Variants in DSE observed in about 807,000 individuals in gnomAD.
DSE encodes the protein dermatan sulfate epimerase, also known as dermatan-sulfate epimerase.
Under a neutral mutation model 84.4 loss-of-function variants are expected in DSE, and 36 were observed. The ratio of observed to expected loss-of-function variants is 0.43; its 90% CI spans 0.33 to 0.56. DSE has a LOEUF of 0.56. DSE is among the 20% of genes least tolerant of loss of function. DSE has a pLI of 0.06. For missense variants in DSE, 862 were observed against 1,169.6 expected, an observed-to-expected ratio of 0.74 and a Z score of 3.84; for synonymous variants, 410 against 430.1, an observed-to-expected ratio of 0.95 and a Z score of 0.58.
chr6:116,407,321 GGAGA>G (rs1781997336), intron 2 of DSE, among the ~76,000 whole-genome samples: 1 of 152,164 alleles, frequency 6.6e-6, no homozygotes, highest in Non-Finnish European at 1.5e-5. Context: ...AATATGGGGA[GGAGA>G]GAGTGGTTTG....
Position 116,299,552 on chromosome 6 carries a change from A to ATG in DSE, c.-54+40585_-54+40586insTG, listed in dbSNP as rs1774902505. Among the ~76,000 whole-genome samples the ATG allele has an allele frequency of 7.7e-5, 2 of 26,024 alleles. 1 individual carries two copies. The highest frequency in any genetic ancestry group is 4.5e-4 in the African/African-American group (2 of 4,450). The allele number at this position is 26,024 out of a possible 152,430, so 17.1% of individuals were successfully genotyped here. On this transcript the variant is annotated intron_variant, in intron 2 of 3. Coordinates refer to the DSE transcript ENST00000430252. ...TATATATATATATATATATATATAT[A>ATG]CACATACACACACACACACACATAC...
intron 3 of DSE, among the ~76,000 whole-genome samples, chr6:116,429,105 A>G (rs1364226282): frequency 6.6e-6 from 1 of 152,216 alleles, no homozygotes; most frequent in Non-Finnish European, 1.5e-5. Flanking sequence ...TGGAAGACAC[A>G]CAGGAAAAGG....
chr6:116,376,066 C>G (rs762215234), intron 1 of DSE, among the ~76,000 whole-genome samples: 1 of 152,150 alleles, frequency 6.6e-6, no homozygotes, highest in Non-Finnish European at 1.5e-5. Context: ...TTCCTGTTGT[C>G]TACTTTATTA....
At chr6:116,341,596 G>A (rs1221267284) in intron 2 of DSE, among the ~76,000 whole-genome samples, 1 of 152,160 alleles carries the variant, frequency 6.6e-6, no homozygotes, top group Non-Finnish European at 1.5e-5. Flanking sequence ...GTATTGCCTA[G>A]GTTTTCTTCT....
At chr6:116,303,711 C>T (rs1265378382) in intron 2 of DSE, among the ~76,000 whole-genome samples, 1 of 152,028 alleles carries the variant, frequency 6.6e-6, no homozygotes, top group African/African-American at 2.4e-5. Flanking sequence ...AAAGCAGTTA[C>T]AATTCAGAAG....
intron 2 of DSE, among the ~76,000 whole-genome samples, chr6:116,271,376 T>C (rs765120085): frequency 6.6e-5 from 10 of 152,176 alleles, no homozygotes; most frequent in Non-Finnish European, 1.5e-4. Flanking sequence ...AGAACACTCT[T>C]TATGATCCAC....
intron 1 of DSE, among the ~76,000 whole-genome samples, chr6:116,385,107 G>A (rs1780500584): frequency 6.6e-6 from 1 of 152,200 alleles, no homozygotes; most frequent in South Asian, 2.1e-4. Flanking sequence ...AGGCGCTGAG[G>A]AGGGAGCTCA....
At chr6:116,432,935 TA>T (rs1783936529) in intron 4 of DSE, 1 of 179,218 alleles carries the variant, frequency 5.6e-6, no homozygotes, top group Admixed American at 5.6e-5. Context: ...GTTATTTTAT[TA>T]TCTTGGCCTA....
Position 116,399,352 on chromosome 6 carries a change from C to T in DSE, c.102C>T (p.Pro34=), listed in dbSNP as rs775878460. ...ITDENPEVMI[P]FTNANYDSHP... Reference sequence around the variant, plus strand: ...ACGAGAACCCAGAAGTTATGATTCCCTTCACCAATGCCAACTACGACAGCC... The same window carrying T: ...ACGAGAACCCAGAAGTTATGATTCCTTTCACCAATGCCAACTACGACAGCC... The change falls in exon 2 of 6, where the codon CCC becomes CCT. Residue 34 remains proline, a synonymous_variant. Coordinates refer to ENST00000644252, the MANE Select transcript of DSE (RefSeq NM_013352.4). 21 of 1,613,996 alleles carry T rather than the reference C, an allele frequency of 1.3e-5. No individual in the cohort carries two copies. In the African/African-American group the frequency reaches 2.8e-4, roughly 22 times the overall value.
At chr6:116,366,757 T>A (rs1253710314), upstream of DSE, 1 of 152,216 alleles carries the variant, frequency 6.6e-6, no homozygotes, top group Non-Finnish European at 1.5e-5. Flanking sequence ...GAAAACATAA[T>A]TGTTATGTGG....
chr6:116,396,702 C>G (rs540267506), intron 1 of DSE, among the ~76,000 whole-genome samples: 3 of 152,108 alleles, frequency 2.0e-5, no homozygotes, highest in African/African-American at 7.2e-5. Context: ...CAGACATATC[C>G]TACGTAACTG....
At chr6:116,300,233 A>G (rs2114701412) in intron 2 of DSE, among the ~76,000 whole-genome samples, 1 of 152,320 alleles carries the variant, frequency 6.6e-6, no homozygotes, top group South Asian at 2.1e-4. Flanking sequence ...AATAATAGGA[A>G]CTAACAGAGT....
chr6:116,344,878 C>G (rs1777850058), intron 2 of DSE, among the ~76,000 whole-genome samples: 1 of 151,978 alleles, frequency 6.6e-6, no homozygotes, highest in Admixed American at 6.6e-5. Context: ...TTCAGGAGAC[C>G]CATCTCATGT....
intron 2 of DSE, among the ~76,000 whole-genome samples, chr6:116,280,470 C>T (rs531634174): frequency 6.6e-6 from 1 of 152,312 alleles, no homozygotes; most frequent in South Asian, 2.1e-4. Context: ...TTATAATCTG[C>T]ATCAAATAAG....
intron 2 of DSE, chr6:116,279,705 C>G: frequency 3.7e-6 from 6 of 1,611,012 alleles, no homozygotes; most frequent in Non-Finnish European, 5.1e-6. Flanking sequence ...TCACCTGTGT[C>G]GCCTCGCTTT....
chr6:116,360,578 G>A (rs1397645793), intron 2 of DSE, among the ~76,000 whole-genome samples: 1 of 149,370 alleles, frequency 6.7e-6, no homozygotes, highest in Non-Finnish European at 1.5e-5. Context: ...CCAATTTAGT[G>A]TTAACTCTCA....
chr6:116,358,565 G>A (rs1023767088), intron 2 of DSE, among the ~76,000 whole-genome samples: 1 of 152,190 alleles, frequency 6.6e-6, no homozygotes, highest in African/African-American at 2.4e-5. Flanking sequence ...TGAGCTGATA[G>A]CTTCTAGGCT....
rs759691430 is a variant in DSE at position 116,436,478 on chromosome 6, T to A, written c.2010T>A (p.Asp670Glu). 6.2e-7 allele frequency: 1 copy of A among 1,614,202 alleles called. No individual in the cohort carries two copies. The highest frequency in any genetic ancestry group is 1.1e-5 in the South Asian group (1 of 91,086). Residue 670 changes from aspartate to glutamate, a missense_variant, in exon 6 of 6, where the codon GAT becomes GAA. Asp to Glu is a conservative substitution (Grantham distance 45, BLOSUM62 2). This residue lies in a region of DSE where 315 missense variants were observed against 348.1 expected (regional missense o/e 0.90). Coordinates refer to ENST00000644252, the MANE Select transcript of DSE (RefSeq NM_013352.4). ...AAYLFIGPSIDVQSFTVHGDS... is the reference protein window; with the variant it reads ...AAYLFIGPSIEVQSFTVHGDS... ...ACCTCTTCATAGGGCCATCTATAGATGTTCAGAGCTTCACTGTCCACGGAG... is the reference window on the plus strand; with the variant it reads ...ACCTCTTCATAGGGCCATCTATAGAAGTTCAGAGCTTCACTGTCCACGGAG...
At chr6:116,417,368 C>A (rs895858771) in intron 2 of DSE, among the ~76,000 whole-genome samples, 5 of 152,156 alleles carry the variant, frequency 3.3e-5, no homozygotes, top group Non-Finnish European at 7.4e-5. Flanking sequence ...AACAGTACTA[C>A]TCTACATTTT....
Sources: gnomAD v4.1 joint callset for allele counts (sites outside exome capture counted in the v4.1 genomes callset) on GRCh38, gnomAD v4.1.1 for gene constraint, gnomAD v4.1.1 regional missense constraint, MANE v1.5 for transcripts, NCBI Gene and HGNC (gene_info 2026-07-23, HGNC 2026-07-21) for gene names.